The following ZNF746 variants were observed in gnomAD, a reference collection of about 807,000 sequenced individuals.
ZNF746 encodes the protein parkin-interacting substrate.
In ZNF746, 13 loss-of-function variants were observed where a neutral mutation model predicts 41.0. The ratio of observed to expected loss-of-function variants is 0.32; its 90% CI spans 0.21 to 0.50. The LOEUF (loss-of-function observed/expected upper bound fraction) is 0.50, where lower values mean the gene tolerates loss of function less well. Among genes scored for constraint, ZNF746 ranks in the 20% least tolerant of loss-of-function variants. The pLI is 0.98. For missense variants in ZNF746, 811 were observed against 922.9 expected, an observed-to-expected ratio of 0.88 and a Z score of 1.57; for synonymous variants, 424 against 396.2, an observed-to-expected ratio of 1.07 and a Z score of -0.83.
In ZNF746 at chr7:149,475,282, C is replaced by T. The variant is rs370207855; in HGVS notation, c.1085G>A (p.Arg362Gln). The T allele has an allele frequency of 1.3e-5, 21 of 1,613,186 alleles. No homozygotes were observed. The highest frequency in any genetic ancestry group is 3.3e-5 in the South Asian group (3 of 91,058). Reference sequence around the variant, plus strand: ...GTCCCTCTCAGGCCGGGCGGGCTCTCGCAGCCCCAGCACAGGGTCCTGGCT... The same window carrying T: ...GTCCCTCTCAGGCCGGGCGGGCTCTTGCAGCCCCAGCACAGGGTCCTGGCT... ...FPSQDPVLGL[R>Q]EPARPERDMG... Residue 362 changes from arginine to glutamine, a missense_variant, in exon 7 of 7, where the codon CGA (arginine) becomes CAA (glutamine). Arg to Gln is a conservative substitution (Grantham distance 43). Coordinates refer to ENST00000458143, the MANE Select transcript of ZNF746 (RefSeq NM_001394198.1).
chr7:149,482,606 A>G, intron 4 of ZNF746, among the ~76,000 whole-genome samples: 1 of 152,068 alleles, frequency 6.6e-6, no homozygotes, highest in East Asian at 1.9e-4. Context: ...CTGGGATTAC[A>G]GATGTGTGCC....
Position 149,496,749 on chromosome 7 carries a change from C to A in ZNF746, c.24+764G>T, listed in dbSNP as rs566589072. 13 of 912,348 alleles carry A rather than the reference C, an allele frequency of 1.4e-5. No individual in the cohort carries two copies. The African/African-American group carries it at 2.3e-4, about 16-fold the overall frequency. The allele number at this position is 912,348 out of a possible 1,614,324, so 56.5% of individuals were successfully genotyped here. On this transcript the variant is annotated intron_variant, in intron 1 of 6. Transcript: ENST00000458143. The stretch of plus-strand genomic sequence containing the variant: ...GGTGGACAGCGGTACCAAGAGGCCC[C>A]CTGACACTCCTTCCCCCGGAGCCCA...
chr7:149,475,392 G>A lies in ZNF746; in HGVS notation c.975C>T (p.Thr325=), dbSNP rs1245984919. The change falls in exon 7 of 7, where the codon ACC becomes ACT. Residue 325 remains threonine (T), a synonymous_variant. Transcript: ENST00000458143. Reference sequence around the variant, plus strand: ...GTGTGGCTTGGCCTGGTCCAAACAGGGTCCCGTGAGCCTCTAGGTCAGTAG... The same window carrying A: ...GTGTGGCTTGGCCTGGTCCAAACAGAGTCCCGTGAGCCTCTAGGTCAGTAG... ...VHPTDLEAHG[T]LFGPGQATRF... 1.9e-6 allele frequency: 3 copies of A among 1,614,042 alleles called. No homozygotes were observed. The African/African-American group carries it at 4.0e-5, about 22-fold the overall frequency.
intron 4 of ZNF746, chr7:149,488,218 C>T (rs1252385757): frequency 5.3e-5 from 8 of 152,158 alleles, no homozygotes; most frequent in Non-Finnish European, 8.8e-5. Flanking sequence ...GAAACCCTCC[C>T]TTGCAAGCTA....
rs930923124 is a variant in ZNF746 at position 149,494,473 on chromosome 7, G to C, written c.55C>G (p.Gln19Glu). The stretch of plus-strand genomic sequence containing the variant: ...GATTCAATCTTCCTCTCCATGGCCT[G>C]AATCGTGGCTGCCATCGTCCACGGA... ...ISPWTMAATI[Q>E]AMERKIESQA... The change falls in exon 2 of 7, where the codon CAG (glutamine) becomes GAG (glutamate). Residue 19 changes from glutamine to glutamate, a missense_variant. Around this residue, in one of 4 missense-constraint regions of ZNF746, gnomAD observed 147 missense variants for 233.4 expected, o/e 0.63. Coordinates refer to ENST00000458143, the MANE Select transcript of ZNF746 (RefSeq NM_001394198.1). The surrounding 1 kb of genome is among the most constrained non-coding windows in gnomAD (Gnocchi z 5.6). 1 of 1,613,744 alleles carries C rather than the reference G, an allele frequency of 6.2e-7. No individual in the cohort carries two copies. The highest frequency in any genetic ancestry group is 1.3e-5 in the African/African-American group (1 of 74,928).
At chr7:149,490,722 G>C (rs1245869696) in intron 4 of ZNF746, 2 of 152,920 alleles carry the variant, frequency 1.3e-5, no homozygotes, top group Admixed American at 1.3e-4. Context: ...CTGTGGGATG[G>C]GTTGGGGGGG....
chr7:149,487,564 G>A (rs1029920919), intron 4 of ZNF746: 5 of 152,062 alleles, frequency 3.3e-5, no homozygotes, highest in African/African-American at 1.2e-4. Context: ...GATTTGTAGA[G>A]GATATAATTA....
rs855919 is a variant in ZNF746 at position 149,497,080 on chromosome 7, G to C, written c.24+433C>G. ...GACCCCGGGAAGCTGGGCACGTAGT[G>C]GGAGTCGGTGTATGCGGATTCGAAG... On this transcript the variant is annotated intron_variant, in intron 1 of 6. Transcript: ENST00000458143. This position sits in a 1 kb window ranked among gnomAD's most constrained non-coding sequence, Gnocchi z 4.2. 348,607 of 985,038 alleles carry C rather than the reference G, an allele frequency of 0.35. 63,047 individuals are homozygous for C. Among genetic ancestry groups the C allele is most frequent in the Non-Finnish European group, 0.37 (305,403 of 829,786 alleles). The allele number at this position is 985,038 out of a possible 1,614,324, so 61.0% of individuals were successfully genotyped here.
chr7:149,475,631 C>T (rs572665460), intron 6 of ZNF746, 148 bp from the exon 7 acceptor site: 41 of 1,345,186 alleles, frequency 3.0e-5, no homozygotes, highest in Admixed American at 2.1e-4. Flanking sequence ...CTCAGCAGAG[C>T]AGCCTGGTGG....
rs1329289952 is a variant in ZNF746 at position 149,497,729 on chromosome 7, T to C, written c.-193A>G. 5.1e-5 allele frequency: 11 copies of C among 213,956 alleles called. No homozygotes were observed. Among genetic ancestry groups the C allele is most frequent in the Admixed American group, 6.5e-5 (1 of 15,386 alleles). 13.3% of individuals were successfully genotyped at this position (213,956 alleles called of 1,614,324 possible). On this transcript the variant is annotated 5_prime_UTR_variant, in exon 1 of 7. Coordinates refer to ENST00000458143, the MANE Select transcript of ZNF746 (RefSeq NM_001394198.1). This position sits in a 1 kb window ranked among gnomAD's most constrained non-coding sequence, Gnocchi z 4.2. ...GCCGCCTCCGTCAGCGCCCGGCCGGTCCACACTGCATCCTGGGAGCCGGCG... is the reference window on the plus strand; with the variant it reads ...GCCGCCTCCGTCAGCGCCCGGCCGGCCCACACTGCATCCTGGGAGCCGGCG...
intron 4 of ZNF746, chr7:149,490,014 G>C (rs1411790521): frequency 6.6e-6 from 1 of 152,388 alleles, no homozygotes; most frequent in Non-Finnish European, 1.5e-5. Flanking sequence ...TAGAGGTCAA[G>C]GCAGGATTGC....
At chr7:149,487,897 C>T (rs1479621335) in intron 4 of ZNF746, 1 of 152,106 alleles carries the variant, frequency 6.6e-6, no homozygotes, top group Non-Finnish European at 1.5e-5. Flanking sequence ...TTCTTAGGAA[C>T]TTGACATACA....
chr7:149,490,989 C>T (rs535836619), intron 4 of ZNF746: 16 of 152,478 alleles, frequency 1.0e-4, no homozygotes, highest in African/African-American at 2.9e-4. Flanking sequence ...GAGCTCAGTC[C>T]GAGCAGGGAA....
chr7:149,492,082 G>A (rs1328995013), intron 4 of ZNF746: 1 of 686,036 alleles, frequency 1.5e-6, no homozygotes, highest in Admixed American at 2.1e-5. Context: ...TTGGAGGCAA[G>A]GCTGACTCTT....
At chr7:149,489,892 T>C (rs1800746046) in intron 4 of ZNF746, 1 of 152,132 alleles carries the variant, frequency 6.6e-6, no homozygotes, top group Admixed American at 6.6e-5. Context: ...TGGAGAGGTT[T>C]TGGTGGAAGG....
Position 149,475,029 on chromosome 7 carries a change from C to A in ZNF746, c.1338G>T (p.Arg446=). ...PFNEPCKYPG[R]TKGFGHKPGL... The stretch of plus-strand genomic sequence containing the variant: ...CTGGCTTGTGGCCAAAGCCTTTGGT[C>A]CGGCCAGGGTATTTACAGGGTTCGT... Residue 446 remains arginine, a synonymous_variant, in exon 7 of 7, where the codon CGG becomes CGT. Coordinates refer to ENST00000458143, the MANE Select transcript of ZNF746 (RefSeq NM_001394198.1). The A allele has an allele frequency of 2.6e-6, 4 of 1,558,250 alleles. No individual in the cohort carries two copies. Among genetic ancestry groups the A allele is most frequent in the Non-Finnish European group, 3.5e-6 (4 of 1,151,362 alleles).
intron 4 of ZNF746, among the ~76,000 whole-genome samples, chr7:149,487,070 A>G (rs923598404): frequency 1.3e-5 from 2 of 152,138 alleles, no homozygotes; most frequent in African/African-American, 4.8e-5. Context: ...CTGCCAGATC[A>G]GTGGTGGCAT....
intron 6 of ZNF746, among the ~76,000 whole-genome samples, chr7:149,476,653 C>A (rs766908229): frequency 3.3e-5 from 5 of 152,154 alleles, no homozygotes; most frequent in Non-Finnish European, 7.3e-5. Flanking sequence ...GTATATCCTT[C>A]AAGAGATAGG....
In ZNF746 at chr7:149,497,695, CGCA is replaced by C. The variant is rs1174988259; in HGVS notation, c.-162_-160del. The C allele has an allele frequency of 4.7e-6, 2 of 428,394 alleles. No individual in the cohort carries two copies. The highest frequency in any genetic ancestry group is 4.3e-5 in the African/African-American group (2 of 46,058). 26.5% of individuals were successfully genotyped at this position (428,394 alleles called of 1,614,324 possible). On this transcript the variant is annotated 5_prime_UTR_variant, in exon 1 of 7. Coordinates refer to ENST00000458143, the MANE Select transcript of ZNF746 (RefSeq NM_001394198.1). The surrounding 1 kb of genome is among the most constrained non-coding windows in gnomAD (Gnocchi z 4.2). The stretch of plus-strand genomic sequence containing the variant: ...CTGGCTGCCCCTGCGCCGCGCCGCC[CGCA>C]GTCGCGCCGCCTCCGTCAGCGCCCG...
Sources: allele counts gnomAD v4.1 joint callset (sites outside exome capture counted in the v4.1 genomes callset), GRCh38; gene constraint gnomAD v4.1.1; regional missense constraint gnomAD v4.1.1; non-coding constraint Gnocchi (gnomAD v3.1); transcripts MANE v1.5; gene names NCBI Gene and HGNC (gene_info 2026-07-23, HGNC 2026-07-21).